PPM1L: variants seen among roughly 807,000 people sequenced by gnomAD.
PPM1L encodes protein phosphatase 1L.
A neutral mutation model predicts 31.4 loss-of-function variants in PPM1L; 13 were observed. That is an observed-to-expected ratio of 0.41 (90% CI 0.27 to 0.66). The LOEUF is 0.66. PPM1L is among the 30% of genes least tolerant of loss of function. The probability of loss-of-function intolerance (pLI) is 0.29; values close to 1 mark genes in which losing one functional copy is unlikely to be tolerated. For synonymous variants in PPM1L, 184 were observed against 175.4 expected, an observed-to-expected ratio of 1.05 and a Z score of -0.39; for missense variants, 326 against 453.7, an observed-to-expected ratio of 0.72 and a Z score of 2.56.
chr3:160,769,751 G>C (rs1715200218), intron 1 of PPM1L, among the ~76,000 whole-genome samples: 1 of 151,894 alleles, frequency 6.6e-6, no homozygotes, highest in South Asian at 2.1e-4. Context: ...TGAATTTGTT[G>C]GTCAAATTCA....
intron 2 of PPM1L, among the ~76,000 whole-genome samples, chr3:161,024,341 C>T (rs895175688): frequency 2.0e-5 from 3 of 151,840 alleles, no homozygotes; most frequent in Admixed American, 6.6e-5. Flanking sequence ...ATAATTGCCA[C>T]TGATTGCTTT....
intron 1 of PPM1L, among the ~76,000 whole-genome samples, chr3:160,763,523 C>T (rs950401205): frequency 2.6e-5 from 4 of 152,176 alleles, no homozygotes; most frequent in African/African-American, 9.7e-5. Flanking sequence ...AATATACCAG[C>T]ATGCTAGGTC....
intron 1 of PPM1L, among the ~76,000 whole-genome samples, chr3:160,822,014 C>T (rs1329849822): frequency 6.6e-6 from 1 of 151,934 alleles, no homozygotes; most frequent in African/African-American, 2.4e-5. Flanking sequence ...GTTGCAAAGC[C>T]TGTATTCACG....
chr3:160,882,868 G>C (rs531240332), intron 1 of PPM1L, among the ~76,000 whole-genome samples: 2 of 152,260 alleles, frequency 1.3e-5, no homozygotes, highest in Admixed American at 1.3e-4. Context: ...AGACAGTCTT[G>C]TTCTTATCTG....
intron 1 of PPM1L, among the ~76,000 whole-genome samples, chr3:160,830,832 C>T (rs1361207164): frequency 6.6e-6 from 1 of 152,218 alleles, no homozygotes. Flanking sequence ...ATTCATACTT[C>T]GCATGAATAA....
chr3:160,852,052 A>T (rs1157533072), intron 1 of PPM1L, among the ~76,000 whole-genome samples: 1 of 152,254 alleles, frequency 6.6e-6, no homozygotes, highest in African/African-American at 2.4e-5. Flanking sequence ...TTCAGCTTCA[A>T]TCTTCAGGGC....
chr3:160,976,732 A>G (rs1716596299), intron 2 of PPM1L, among the ~76,000 whole-genome samples: 1 of 150,524 alleles, frequency 6.6e-6, no homozygotes, highest in Admixed American at 6.7e-5. Context: ...CCCCTTTATC[A>G]TTTTTTATTG....
intron 1 of PPM1L, among the ~76,000 whole-genome samples, chr3:160,868,838 A>G (rs1401891009): frequency 6.6e-6 from 1 of 152,222 alleles, no homozygotes. Context: ...GGAGAAAATC[A>G]CAACAGAACT....
At chr3:160,875,225 C>A (rs75818926) in intron 1 of PPM1L, among the ~76,000 whole-genome samples, 2 of 152,068 alleles carry the variant, frequency 1.3e-5, no homozygotes, top group African/African-American at 4.8e-5. Context: ...ATGGAATGTA[C>A]TTATTTATTT....
intron 1 of PPM1L, among the ~76,000 whole-genome samples, chr3:160,914,129 A>G (rs921931904): frequency 1.3e-5 from 2 of 152,156 alleles, no homozygotes; most frequent in African/African-American, 2.4e-5. Context: ...TAGTCATTCT[A>G]ATAGGTGTGT....
chr3:160,808,289 CTGTGTGTG>C lies in PPM1L; in HGVS notation c.399+51607_399+51614del, dbSNP rs10545216. 2.6e-3 allele frequency among the ~76,000 whole-genome samples: 349 copies of C among 136,196 alleles called. 1 individual carries two copies. The highest frequency in any genetic ancestry group is 9.0e-3 in the African/African-American group (305 of 33,950). The allele number at this position is 136,196 out of a possible 152,430, so 89.3% of individuals were successfully genotyped here. A position where few individuals can be genotyped will look rare whatever the true frequency, so the allele number is the denominator to read the frequency against. On this transcript the variant is annotated intron_variant, in intron 1 of 3. Coordinates refer to ENST00000498165, the MANE Select transcript of PPM1L (RefSeq NM_139245.4). ...AACTGCCCTTTGCCAGGATTTTCCT[CTGTGTGTG>C]TGTGTGTGTGTGTGTGTGTGTGTGC...
At chr3:160,993,580 T>C (rs1393722855) in intron 2 of PPM1L, among the ~76,000 whole-genome samples, 1 of 152,078 alleles carries the variant, frequency 6.6e-6, no homozygotes, top group Non-Finnish European at 1.5e-5. Flanking sequence ...ATTGGGTGAA[T>C]TGGGGAGCTT....
At chr3:161,052,284 C>A (rs1719301712) in intron 2 of PPM1L, among the ~76,000 whole-genome samples, 1 of 152,164 alleles carries the variant, frequency 6.6e-6, no homozygotes, top group Non-Finnish European at 1.5e-5. Flanking sequence ...ATCAAAGACT[C>A]CCTCTTGGTT....
At chr3:161,021,844 G>GT (rs757946171) in intron 2 of PPM1L, among the ~76,000 whole-genome samples, 2 of 151,264 alleles carry the variant, frequency 1.3e-5, no homozygotes, top group Non-Finnish European at 3.0e-5. Context: ...TTCTCTTCTG[G>GT]TTTTTTTTAT....
At chr3:160,777,468 A>T (rs1421510945) in intron 1 of PPM1L, among the ~76,000 whole-genome samples, 1 of 152,174 alleles carries the variant, frequency 6.6e-6, no homozygotes, top group Non-Finnish European at 1.5e-5. Flanking sequence ...GCTATCTAGA[A>T]GTTTTTTATC....
intron 2 of PPM1L, among the ~76,000 whole-genome samples, chr3:161,011,692 T>C (rs1447053870): frequency 2.6e-5 from 4 of 152,218 alleles, no homozygotes; most frequent in Non-Finnish European, 5.9e-5. Flanking sequence ...TTTTATTTCG[T>C]TGAGCAGTGG....
intron 2 of PPM1L, among the ~76,000 whole-genome samples, chr3:161,035,661 T>C (rs1209402767): frequency 1.3e-5 from 2 of 152,230 alleles, no homozygotes; most frequent in Non-Finnish European, 2.9e-5. Context: ...CCCAACTAAA[T>C]AAAATCAGGT....
At chr3:161,017,791 G>GA (rs1034385707) in intron 2 of PPM1L, among the ~76,000 whole-genome samples, 3 of 152,020 alleles carry the variant, frequency 2.0e-5, no homozygotes, top group Non-Finnish European at 2.9e-5. Context: ...CAAATACAAG[G>GA]AAAAAGTATT....
intron 1 of PPM1L, among the ~76,000 whole-genome samples, chr3:160,839,344 G>A (rs903797288): frequency 6.6e-6 from 1 of 152,116 alleles, no homozygotes; most frequent in African/African-American, 2.4e-5. Context: ...AGATAAGATT[G>A]AAAAACCAGC....
Sources: gnomAD v4.1 joint callset for allele counts (sites outside exome capture counted in the v4.1 genomes callset) on GRCh38, gnomAD v4.1.1 for gene constraint, MANE v1.5 for transcripts, NCBI Gene and HGNC (gene_info 2026-07-23, HGNC 2026-07-21) for gene names.